The following MYO3A variants were observed in gnomAD, a reference collection of about 807,000 sequenced individuals.
MYO3A encodes the protein myosin-IIIa.
MYO3A carries 180 observed loss-of-function variants against 192.7 expected under a neutral mutation model. That is an observed-to-expected ratio of 0.93 (90% confidence interval 0.83 to 1.06). The LOEUF is 1.06. Among genes scored for constraint, MYO3A ranks in the 50% least tolerant of loss-of-function variants. MYO3A has a pLI of 0.00. For synonymous variants in MYO3A, 628 were observed against 645.3 expected, an observed-to-expected ratio of 0.97 and a Z score of 0.41; for missense variants, 1,896 against 1,905.0, an observed-to-expected ratio of 1.00 and a Z score of 0.09.
intron 2 of MYO3A, among the ~76,000 whole-genome samples, chr10:25,946,249 C>T (rs960887860): frequency 6.6e-6 from 1 of 152,264 alleles, no homozygotes; most frequent in Admixed American, 6.5e-5. Flanking sequence ...TAAAGGGCTT[C>T]ATTTAGCATT....
intron 10 of MYO3A, among the ~76,000 whole-genome samples, chr10:26,053,999 G>A (rs1416093127): frequency 3.3e-5 from 5 of 152,140 alleles, no homozygotes; most frequent in Admixed American, 6.5e-5. Flanking sequence ...AGCCTTTGAG[G>A]CAGGAGTGAG....
At chr10:25,967,740 T>G (rs185155979) in intron 4 of MYO3A, among the ~76,000 whole-genome samples, 12 of 151,966 alleles carry the variant, frequency 7.9e-5, no homozygotes, top group African/African-American at 2.9e-4. Flanking sequence ...TTGAAAGAAA[T>G]GGAATATAGA....
chr10:26,066,431 C>CT (rs1341021791), intron 10 of MYO3A, among the ~76,000 whole-genome samples: 2 of 152,280 alleles, frequency 1.3e-5, no homozygotes, highest in East Asian at 3.9e-4. Flanking sequence ...AAATCAAGAT[C>CT]TTTATGCTGT....
intron 32 of MYO3A, among the ~76,000 whole-genome samples, chr10:26,194,032 C>T (rs1257543006): frequency 6.6e-6 from 1 of 152,134 alleles, no homozygotes; most frequent in African/African-American, 2.4e-5. Context: ...TTTTTGTCCT[C>T]TCTCTCATAC....
intron 14 of MYO3A, among the ~76,000 whole-genome samples, chr10:26,081,186 G>GGGGCA (rs1835934170): frequency 6.8e-6 from 1 of 147,052 alleles, no homozygotes; most frequent in Non-Finnish European, 1.5e-5. Context: ...CCGTCAGGCG[G>GGGGCA]GGGCAGGGCC....
At chr10:26,193,351 A>G in intron 32 of MYO3A, 40 bp downstream of exon 32, 1 of 1,475,610 alleles carries the variant, frequency 6.8e-7, no homozygotes, top group South Asian at 1.1e-5. Context: ...GAGCCATCAC[A>G]TCTACTAATG....
At chr10:26,039,709 G>A (rs1843235866) in intron 10 of MYO3A, among the ~76,000 whole-genome samples, 1 of 152,022 alleles carries the variant, frequency 6.6e-6, no homozygotes, top group South Asian at 2.1e-4. Flanking sequence ...TTGAATTTCT[G>A]TGGTATCAGT....
At chr10:26,005,618 G>C (rs909162455) in intron 6 of MYO3A, among the ~76,000 whole-genome samples, 1 of 151,944 alleles carries the variant, frequency 6.6e-6, no homozygotes, top group African/African-American at 2.4e-5. Context: ...ACTCTCAGAT[G>C]GTTCAGGAAT....
At chr10:26,065,605 A>AAAAACAT (rs1554817240) in intron 10 of MYO3A, among the ~76,000 whole-genome samples, 2 of 118,726 alleles carry the variant, frequency 1.7e-5, no homozygotes, top group Non-Finnish European at 1.8e-5. Flanking sequence ...AAAAAAAAAA[A>AAAAACAT]AAAAAAAAGT....
intron 31 of MYO3A, among the ~76,000 whole-genome samples, chr10:26,181,441 A>G (rs1842613021): frequency 6.6e-6 from 1 of 152,230 alleles, no homozygotes; most frequent in African/African-American, 2.4e-5. Flanking sequence ...TGAAGACAAA[A>G]TATTTGGAAC....
intron 4 of MYO3A, among the ~76,000 whole-genome samples, chr10:25,993,446 A>AT (rs1469713153): frequency 6.6e-6 from 1 of 150,904 alleles, no homozygotes; most frequent in Non-Finnish European, 1.5e-5. Flanking sequence ...GATTTTGTTG[A>AT]TTTTTTCAAA....
intron 10 of MYO3A, among the ~76,000 whole-genome samples, chr10:26,062,530 A>AAAAAAAAAAAACG (rs1554816581): frequency 4.8e-5 from 6 of 125,924 alleles, no homozygotes; most frequent in Non-Finnish European, 6.8e-5. Context: ...AAAAAAAAAA[A>AAAAAAAAAAAACG]AAATTATGGA....
intron 32 of MYO3A, among the ~76,000 whole-genome samples, chr10:26,200,107 C>A (rs964283817): frequency 6.6e-6 from 1 of 152,146 alleles, no homozygotes; most frequent in Non-Finnish European, 1.5e-5. Context: ...TGATATCCTG[C>A]CCTTACATTA....
At chr10:25,965,913 G>A (rs192309095) in intron 4 of MYO3A, among the ~76,000 whole-genome samples, 7 of 151,866 alleles carry the variant, frequency 4.6e-5, no homozygotes, top group African/African-American at 7.2e-5. Context: ...ATTGGCTACC[G>A]GGGTAGGGAA....
chr10:26,142,210 A>T (rs1381908350), intron 20 of MYO3A, among the ~76,000 whole-genome samples: 1 of 152,274 alleles, frequency 6.6e-6, no homozygotes, highest in Non-Finnish European at 1.5e-5. Context: ...TGGGAATGTC[A>T]CATAGTGTTC....
chr10:26,154,417 T>A (rs1840979613), intron 24 of MYO3A, among the ~76,000 whole-genome samples: 1 of 152,156 alleles, frequency 6.6e-6, no homozygotes, highest in Admixed American at 6.6e-5. Flanking sequence ...TGACCTCAAA[T>A]GAGCAGCCTG....
At chr10:26,157,211 C>A in intron 25 of MYO3A, 99 bp from the exon 26 acceptor site, 2 of 1,092,440 alleles carry the variant, frequency 1.8e-6, no homozygotes, top group Non-Finnish European at 2.8e-6. Context: ...TTATAACATT[C>A]ATTTTTTGAA....
At chr10:26,181,660 G>T (rs1381052007) in intron 31 of MYO3A, among the ~76,000 whole-genome samples, 2 of 151,574 alleles carry the variant, frequency 1.3e-5, no homozygotes, top group East Asian at 1.9e-4. Context: ...CATCAAAATT[G>T]CAAGTATGAA....
chr10:25,938,915 G>A (rs926345771), intron 2 of MYO3A, among the ~76,000 whole-genome samples: 1 of 152,112 alleles, frequency 6.6e-6, no homozygotes, highest in Non-Finnish European at 1.5e-5. Context: ...TGGGTTTCTA[G>A]CCTCTTTCAC....
Sources: allele counts gnomAD v4.1 joint callset (sites outside exome capture counted in the v4.1 genomes callset), GRCh38; gene constraint gnomAD v4.1.1; transcripts MANE v1.5; gene names NCBI Gene and HGNC (gene_info 2026-07-23, HGNC 2026-07-21).